The following PRDM16 variants were observed in gnomAD, a reference collection of about 807,000 sequenced individuals.
PRDM16 encodes the protein histone-lysine N-methyltransferase PRDM16.
Under a neutral mutation model 110.6 loss-of-function variants are expected in PRDM16, and 23 were observed. That is an observed-to-expected ratio of 0.21 (90% CI 0.15 to 0.29). PRDM16 has a LOEUF of 0.29. PRDM16 is among the 10% of genes least tolerant of loss of function. The pLI, the probability that PRDM16 is intolerant of heterozygous loss-of-function variation, is 1.00. For missense variants in PRDM16, 1,615 were observed against 1,794.3 expected (o/e 0.90, Z 1.81); for synonymous variants, 799 against 781.8 (o/e 1.02, Z -0.37).
intron 1 of PRDM16, among the ~76,000 whole-genome samples, chr1:3,104,958 C>T (rs917035452): frequency 3.3e-5 from 5 of 152,110 alleles, no homozygotes; most frequent in Non-Finnish European, 5.9e-5. Context: ...GGGTGAGTCC[C>T]TCAGTGCATG....
chr1:3,345,660 C>T (rs1642345585), intron 3 of PRDM16, among the ~76,000 whole-genome samples: 1 of 152,236 alleles, frequency 6.6e-6, no homozygotes, highest in Admixed American at 6.5e-5. Context: ...CACCGGGATG[C>T]AGCAGGACCC....
chr1:3,087,390 G>T (rs754035161), intron 1 of PRDM16, among the ~76,000 whole-genome samples: 3 of 152,224 alleles, frequency 2.0e-5, no homozygotes, highest in Admixed American at 1.3e-4. Context: ...GCTGAGGAAC[G>T]CGAGAGCAGG....
At chr1:3,204,898 G>T (rs761118004) in intron 2 of PRDM16, among the ~76,000 whole-genome samples, 17 of 152,152 alleles carry the variant, frequency 1.1e-4, no homozygotes, top group East Asian at 1.9e-4. Flanking sequence ...ACCCCCGTTG[G>T]GGGGGGCCCT....
chr1:3,386,765 A>T (rs920907323), intron 4 of PRDM16: 1 of 152,152 alleles, frequency 6.6e-6, no homozygotes, highest in African/African-American at 2.4e-5. Context: ...AGATTTGCAG[A>T]GTGTGTCCTT....
chr1:3,366,317 G>A (rs1226868025), intron 3 of PRDM16, among the ~76,000 whole-genome samples: 1 of 152,256 alleles, frequency 6.6e-6, no homozygotes, highest in Non-Finnish European at 1.5e-5. Flanking sequence ...GGGACGCGCT[G>A]ATGTCCTGAC....
intron 2 of PRDM16, among the ~76,000 whole-genome samples, chr1:3,205,214 G>T (rs543708509): frequency 2.6e-5 from 4 of 152,096 alleles, no homozygotes; most frequent in Non-Finnish European, 5.9e-5. Flanking sequence ...ATCCCCCGAC[G>T]GGCAGCAGGA....
intron 3 of PRDM16, among the ~76,000 whole-genome samples, chr1:3,338,029 GCACACATATAGACATGCA>G (rs930542652): frequency 1.8e-4 from 27 of 152,192 alleles, no homozygotes; most frequent in Non-Finnish European, 3.1e-4. Flanking sequence ...AGACACATGT[GCACACATATAGACATGCA>G]CACACATTCA....
intron 1 of PRDM16, among the ~76,000 whole-genome samples, chr1:3,160,881 G>A (rs369388390): frequency 6.6e-6 from 1 of 152,240 alleles, no homozygotes; most frequent in African/African-American, 2.4e-5. Context: ...GCCAGCAAGA[G>A]GCTGAGCCTG....
intron 12 of PRDM16, among the ~76,000 whole-genome samples, chr1:3,421,918 AGACAGACAGGCAGGC>A (rs1638442304): frequency 1.9e-5 from 1 of 53,678 alleles, no homozygotes; most frequent in African/African-American, 3.4e-5. Context: ...ACAGACAGGA[AGACAGACAGGCAGGC>A]AGACAGACAG....
chr1:3,103,603 C>G (rs1466824124), intron 1 of PRDM16, among the ~76,000 whole-genome samples: 1 of 152,188 alleles, frequency 6.6e-6, no homozygotes, highest in Admixed American at 6.5e-5. Flanking sequence ...GCAGAAACAC[C>G]TGTGGAGGGT....
At chr1:3,282,503 A>G (rs1640730366) in intron 3 of PRDM16, among the ~76,000 whole-genome samples, 1 of 152,174 alleles carries the variant, frequency 6.6e-6, no homozygotes, top group African/African-American at 2.4e-5. Context: ...CCCAGCGGGC[A>G]CTTAGCTGAG....
At chr1:3,174,468 G>C (rs747832399) in intron 1 of PRDM16, among the ~76,000 whole-genome samples, 3 of 152,176 alleles carry the variant, frequency 2.0e-5, no homozygotes, top group Non-Finnish European at 2.9e-5. Flanking sequence ...GAGACTCCCT[G>C]AGTCAGAAGG....
intron 1 of PRDM16, among the ~76,000 whole-genome samples, chr1:3,135,563 C>T (rs529581259): frequency 6.6e-6 from 1 of 152,266 alleles, no homozygotes; most frequent in Admixed American, 6.5e-5. Context: ...CCGAGCCCTC[C>T]CCCTCCGTGG....
At chr1:3,198,290 T>G (rs1159470201) in intron 2 of PRDM16, among the ~76,000 whole-genome samples, 1 of 152,248 alleles carries the variant, frequency 6.6e-6, no homozygotes, top group Non-Finnish European at 1.5e-5. Context: ...TCTGAGTGCC[T>G]TAGAGAAGGC....
intron 1 of PRDM16, among the ~76,000 whole-genome samples, chr1:3,134,884 C>T (rs1557473352): frequency 6.6e-6 from 1 of 152,224 alleles, no homozygotes. Flanking sequence ...GAGCCCACCT[C>T]CTGAGAGCCC....
At chr1:3,114,898 C>T (rs924801907) in intron 1 of PRDM16, among the ~76,000 whole-genome samples, 9 of 152,276 alleles carry the variant, frequency 5.9e-5, no homozygotes, top group Non-Finnish European at 1.0e-4. Flanking sequence ...GCAGGATTCG[C>T]ACTCAGCCCT....
chr1:3,117,868 C>T (rs923358098), intron 1 of PRDM16, among the ~76,000 whole-genome samples: 2 of 152,180 alleles, frequency 1.3e-5, no homozygotes, highest in African/African-American at 4.8e-5. Flanking sequence ...GAATGCAGGA[C>T]AAAGGCTCCA....
At chr1:3,275,278 C>G (rs901298868) in intron 3 of PRDM16, among the ~76,000 whole-genome samples, 4 of 152,244 alleles carry the variant, frequency 2.6e-5, no homozygotes, top group African/African-American at 9.6e-5. Context: ...GCTTGACAGA[C>G]CTTGTACGTA....
At chr1:3,098,581 C>G (rs1642460792) in intron 1 of PRDM16, among the ~76,000 whole-genome samples, 1 of 152,186 alleles carries the variant, frequency 6.6e-6, no homozygotes, top group Non-Finnish European at 1.5e-5. Flanking sequence ...CTTCGAGACC[C>G]CAGGCAAAGC....
Sources: allele counts gnomAD v4.1 joint callset (sites outside exome capture counted in the v4.1 genomes callset), GRCh38; gene constraint gnomAD v4.1.1; transcripts MANE v1.5; gene names NCBI Gene and HGNC (gene_info 2026-07-23, HGNC 2026-07-21).